The following CREM variants were observed in gnomAD, a reference collection of about 807,000 sequenced individuals.
CREM encodes the protein cAMP-responsive element modulator.
In CREM, 13 loss-of-function variants were observed where a neutral mutation model predicts 37.3. That is an observed-to-expected ratio of 0.35 (90% CI 0.23 to 0.55). The LOEUF (loss-of-function observed/expected upper bound fraction) is 0.55. Among genes scored for constraint, CREM ranks in the 20% least tolerant of loss-of-function variants. The pLI is 0.88. For missense variants in CREM, 296 were observed against 362.3 expected (o/e 0.82, Z 1.49); for synonymous variants, 124 against 120.2 (o/e 1.03, Z -0.21).
At chr10:35,164,338 C>T (rs1292052154) in intron 3 of CREM, among the ~76,000 whole-genome samples, 1 of 152,154 alleles carries the variant, frequency 6.6e-6, no homozygotes, top group African/African-American at 2.4e-5. Flanking sequence ...ATGGCTTATG[C>T]TGGTTTTAAA....
At chr10:35,204,031 A>G (rs759477749) in intron 6 of CREM, among the ~76,000 whole-genome samples, 1 of 152,166 alleles carries the variant, frequency 6.6e-6, no homozygotes, top group Non-Finnish European at 1.5e-5. Context: ...TTCAGCCTTT[A>G]TTACCCCATA....
intron 6 of CREM, among the ~76,000 whole-genome samples, chr10:35,189,734 G>C (rs2094830154): frequency 6.6e-6 from 1 of 152,066 alleles, no homozygotes; most frequent in Non-Finnish European, 1.5e-5. Context: ...CAGGCTGGTC[G>C]TGAACTCCTG....
intron 1 of CREM, among the ~76,000 whole-genome samples, chr10:35,127,825 T>A (rs1012199660): frequency 6.6e-6 from 1 of 151,802 alleles, no homozygotes; most frequent in Admixed American, 6.6e-5. Flanking sequence ...GCCTGTTGAA[T>A]CTGGGGAATA....
intron 1 of CREM, among the ~76,000 whole-genome samples, chr10:35,129,753 CATTG>C (rs908371984): frequency 2.0e-5 from 3 of 152,132 alleles, no homozygotes; most frequent in Non-Finnish European, 2.9e-5. Flanking sequence ...TCCTTACCAA[CATTG>C]ATTGATAAGG....
chr10:35,158,798 G>GTGTTTTT (rs2093078412), intron 3 of CREM, among the ~76,000 whole-genome samples: 1 of 100,840 alleles, frequency 9.9e-6, no homozygotes, highest in African/African-American at 3.5e-5. Flanking sequence ...CAAATATAGT[G>GTGTTTTT]TTTTTTTTTT....
chr10:35,211,642 C>T lies in CREM; in HGVS notation c.*244C>T. On this transcript the variant is annotated 3_prime_UTR_variant, in exon 8 of 8. Transcript: ENST00000685392. ...AAAATGCTTTGTTTGCCCTTTGCTT[C>T]TGCTTTTTTTCAGGGAAGCTGCCAA... 1 of 1,606,582 alleles carries T rather than the reference C, an allele frequency of 6.2e-7. No homozygotes were observed. The highest frequency in any genetic ancestry group is 8.5e-7 in the Non-Finnish European group (1 of 1,177,382).
At chr10:35,207,705 C>T (rs377426643) in intron 7 of CREM, among the ~76,000 whole-genome samples, 101 of 152,068 alleles carry the variant, frequency 6.6e-4, no homozygotes, top group East Asian at 1.7e-3. Flanking sequence ...ACCCGGAAGG[C>T]GGAGCTTGCA....
intron 6 of CREM, among the ~76,000 whole-genome samples, chr10:35,203,784 A>C (rs2095447593): frequency 6.6e-6 from 1 of 151,942 alleles, no homozygotes; most frequent in Non-Finnish European, 1.5e-5. Context: ...TCCTGCTCTA[A>C]CTTCATATTA....
In CREM at chr10:35,163,441, T is replaced by C. The variant is rs148497327; in HGVS notation, c.168+14950T>C. Among the ~76,000 whole-genome samples, 8 of 152,184 alleles carry C rather than the reference T, an allele frequency of 5.3e-5. No homozygotes were observed. In the East Asian group the frequency reaches 1.4e-3, roughly 26 times the overall value. On this transcript the variant is annotated intron_variant, in intron 3 of 7. Transcript: ENST00000685392. ...GCTCATGCCTGTAATCCCAACACTT[T>C]GGGAGGCCGAGATGAGATGATTGCT... is the stretch of plus-strand genomic sequence containing the variant.
intron 6 of CREM, among the ~76,000 whole-genome samples, chr10:35,198,032 G>A (rs2095264795): frequency 6.6e-6 from 1 of 152,056 alleles, no homozygotes; most frequent in East Asian, 1.9e-4. Flanking sequence ...AAAATATGAT[G>A]TACCCATAAT....
chr10:35,155,949 T>C (rs1378731145), intron 3 of CREM, among the ~76,000 whole-genome samples: 11 of 150,872 alleles, frequency 7.3e-5, no homozygotes, highest in Admixed American at 3.3e-4. Flanking sequence ...TTCTTTCTTT[T>C]TTTTTTTTGA....
At chr10:35,170,951 C>G (rs1457598983) in intron 3 of CREM, among the ~76,000 whole-genome samples, 4 of 152,054 alleles carry the variant, frequency 2.6e-5, no homozygotes, top group Admixed American at 6.6e-5. Context: ...ATTCTACCTC[C>G]AGATGCGTCA....
At chr10:35,127,857 T>C (rs1224883913) in intron 1 of CREM, among the ~76,000 whole-genome samples, 1 of 151,924 alleles carries the variant, frequency 6.6e-6, no homozygotes, top group African/African-American at 2.4e-5. Context: ...AAACATACTT[T>C]TTTTTTTTGA....
chr10:35,176,492 C>G (rs1220585795), intron 3 of CREM, among the ~76,000 whole-genome samples: 3 of 150,578 alleles, frequency 2.0e-5, no homozygotes, highest in Admixed American at 6.6e-5. Context: ...ATTGCAAGCT[C>G]CACCTCCCGG....
intron 2 of CREM, among the ~76,000 whole-genome samples, chr10:35,140,146 C>A (rs942923511): frequency 1.3e-5 from 2 of 151,866 alleles, no homozygotes; most frequent in Non-Finnish European, 2.9e-5. Context: ...TTTTTACCTT[C>A]AAAAAAATAA....
chr10:35,145,994 T>C (rs1321582277), intron 2 of CREM, among the ~76,000 whole-genome samples: 1 of 152,164 alleles, frequency 6.6e-6, no homozygotes, highest in Admixed American at 6.6e-5. Flanking sequence ...CTGATGCGAG[T>C]TGTCCAAGGA....
intron 6 of CREM, among the ~76,000 whole-genome samples, chr10:35,195,694 G>C (rs2095128054): frequency 6.6e-6 from 1 of 152,130 alleles, no homozygotes; most frequent in African/African-American, 2.4e-5. Context: ...AAAAACCCGC[G>C]TGTTATGGAT....
intron 6 of CREM, among the ~76,000 whole-genome samples, chr10:35,196,864 A>ATTTTTT (rs1564957666): frequency 2.2e-4 from 24 of 108,900 alleles, no homozygotes; most frequent in Non-Finnish European, 4.2e-4. Flanking sequence ...AACGCTGTGT[A>ATTTTTT]CTTTTTTTTT....
intron 1 of CREM, among the ~76,000 whole-genome samples, chr10:35,128,761 G>C (rs1343691460): frequency 6.6e-6 from 1 of 151,772 alleles, no homozygotes; most frequent in Non-Finnish European, 1.5e-5. Flanking sequence ...TCCTGACCTC[G>C]TGATCCGCCC....
Sources: gnomAD v4.1 joint callset for allele counts (sites outside exome capture counted in the v4.1 genomes callset) on GRCh38, gnomAD v4.1.1 for gene constraint, MANE v1.5 for transcripts, NCBI Gene and HGNC (gene_info 2026-07-23, HGNC 2026-07-21) for gene names.